The following USP13 variants were observed in gnomAD, a reference collection of about 807,000 sequenced individuals.
The protein encoded by USP13 is ubiquitin carboxyl-terminal hydrolase 13.
In USP13, 68 loss-of-function variants were observed where a neutral mutation model predicts 107.8. The ratio of observed to expected loss-of-function variants is 0.63; its 90% confidence interval spans 0.52 to 0.77. The LOEUF (loss-of-function observed/expected upper bound fraction) is 0.77. Ranked by LOEUF, USP13 falls within the 30% of genes least tolerant of loss-of-function variation. USP13 has a pLI of 0.00. For synonymous variants in USP13, 377 were observed against 389.5 expected (o/e 0.97, Z 0.38); for missense variants, 945 against 1,093.3 (o/e 0.86, Z 1.91).
intron 20 of USP13, 64 bp downstream of exon 20, chr3:179,781,887 A>T: frequency 7.3e-7 from 1 of 1,367,984 alleles, no homozygotes; most frequent in Non-Finnish European, 1.0e-6. Context: ...TATGCCAGGC[A>T]CTCTCCTAGG....
chr3:179,740,885 GC>G (rs1252047006), intron 11 of USP13, among the ~76,000 whole-genome samples: 11 of 150,798 alleles, frequency 7.3e-5, no homozygotes, highest in Admixed American at 6.6e-4. Context: ...TACTGCCTCA[GC>G]CTCCTGAGTA....
intron 5 of USP13, 109 bp from the exon 6 acceptor site, chr3:179,708,664 C>A: frequency 7.5e-7 from 1 of 1,328,164 alleles, no homozygotes. Flanking sequence ...CTCTGTTATT[C>A]CACTGAGCCT....
intron 15 of USP13, among the ~76,000 whole-genome samples, chr3:179,755,066 G>A (rs1714741987): frequency 6.6e-6 from 1 of 152,154 alleles, no homozygotes; most frequent in Non-Finnish European, 1.5e-5. Context: ...GACCCATCAT[G>A]TGTGGTTGAA....
At chr3:179,680,732 G>A (rs1711622534) in intron 1 of USP13, among the ~76,000 whole-genome samples, 2 of 151,964 alleles carry the variant, frequency 1.3e-5, no homozygotes, top group East Asian at 1.9e-4. Flanking sequence ...TAGTAGAGAC[G>A]GGGTTTCACC....
At chr3:179,731,790 C>T (rs1244833376) in intron 10 of USP13, among the ~76,000 whole-genome samples, 1 of 152,166 alleles carries the variant, frequency 6.6e-6, no homozygotes, top group African/African-American at 2.4e-5. Context: ...GAACGCGTGC[C>T]CCACTTCCCC....
chr3:179,719,504 C>T (rs1443699084), intron 6 of USP13, among the ~76,000 whole-genome samples: 1 of 152,082 alleles, frequency 6.6e-6, no homozygotes, highest in Non-Finnish European at 1.5e-5. Flanking sequence ...CCCTGAGGGC[C>T]TGTGTGTTCT....
intron 2 of USP13, among the ~76,000 whole-genome samples, chr3:179,685,644 AAAAG>A (rs1165378727): frequency 6.6e-6 from 1 of 151,854 alleles, no homozygotes; most frequent in African/African-American, 2.4e-5. Flanking sequence ...AAAAAAAAAA[AAAAG>A]AAAGAAACAG....
chr3:179,732,289 C>T (rs912034829), intron 10 of USP13, among the ~76,000 whole-genome samples: 1 of 152,200 alleles, frequency 6.6e-6, no homozygotes, highest in African/African-American at 2.4e-5. Flanking sequence ...TACTTCTGTG[C>T]TTCTGTGAAA....
intron 1 of USP13, among the ~76,000 whole-genome samples, chr3:179,655,910 A>G (rs1435767499): frequency 2.0e-5 from 3 of 152,174 alleles, no homozygotes; most frequent in Non-Finnish European, 4.4e-5. Context: ...ATTCTTCAGC[A>G]CCTACTATGT....
Position 179,688,099 on chromosome 3 carries a change from G to GTCCATCCATCCATCCATCCATCCA in USP13, c.295-2132_295-2109dup, listed in dbSNP as rs763601246. ...AGGATATCCATCCATCCATCCATCC[G>GTCCATCCATCCATCCATCCATCCA]TCCATCCATCCATCCATCCATCCAT... is the stretch of plus-strand genomic sequence containing the variant. On this transcript the variant is annotated intron_variant, in intron 2 of 20. Transcript: ENST00000263966. 5.3e-4 allele frequency among the ~76,000 whole-genome samples: 75 copies of GTCCATCCATCCATCCATCCATCCA among 140,644 alleles called. 2 individuals are homozygous for GTCCATCCATCCATCCATCCATCCA. The highest frequency in any genetic ancestry group is 1.1e-3 in the Admixed American group (16 of 13,954). The allele number at this position is 140,644 out of a possible 152,430, so 92.3% of individuals were successfully genotyped here.
Position 179,708,910 on chromosome 3 carries a change from G to A in USP13, c.758G>A (p.Gly253Asp). 6.2e-7 allele frequency: 1 copy of A among 1,614,118 alleles called. No homozygotes were observed. Among genetic ancestry groups the A allele is most frequent in the Non-Finnish European group, 8.5e-7 (1 of 1,180,024 alleles). ...GHALEHYRDM[G>D]YPLAVKLGTI... ...GCGCTGGAGCATTACAGAGACATGG[G>A]CTACCCACTAGCCGTGAAACTGGGA... is the stretch of plus-strand genomic sequence containing the variant. Residue 253 changes from glycine (G) to aspartate (D), a missense_variant, in exon 6 of 21, where the codon GGC becomes GAC. Coordinates refer to ENST00000263966, the MANE Select transcript of USP13 (RefSeq NM_003940.3).
intron 1 of USP13, among the ~76,000 whole-genome samples, chr3:179,673,110 A>G (rs1203848912): frequency 6.6e-6 from 1 of 152,192 alleles, no homozygotes; most frequent in Non-Finnish European, 1.5e-5. Flanking sequence ...AACAAACCTG[A>G]AAAGCTAGAA....
chr3:179,663,753 T>A (rs1720515436), intron 1 of USP13, among the ~76,000 whole-genome samples: 1 of 152,236 alleles, frequency 6.6e-6, no homozygotes, highest in Non-Finnish European at 1.5e-5. Flanking sequence ...CCCCTCTGCT[T>A]ACTTTCTGTC....
chr3:179,709,634 GA>G (rs1180218154), intron 6 of USP13, among the ~76,000 whole-genome samples: 1 of 152,090 alleles, frequency 6.6e-6, no homozygotes, highest in Non-Finnish European at 1.5e-5. Context: ...TTTTGCGAGG[GA>G]AAAAGGCAAT....
intron 16 of USP13, among the ~76,000 whole-genome samples, chr3:179,759,467 G>T (rs929730998): frequency 6.6e-6 from 1 of 152,150 alleles, no homozygotes; most frequent in Non-Finnish European, 1.5e-5. Flanking sequence ...TGCACATCAT[G>T]AATTTCTAAG....
In USP13 at chr3:179,786,822, T is replaced by C. The variant is rs1715926640; in HGVS notation, c.*2681T>C. ...CTCTATGTGAGGCATGGTGGTCTAA[T>C]TGTGAAATTCTCCCTGTATATGGGT... On this transcript the variant is annotated 3_prime_UTR_variant, in exon 21 of 21. Transcript: ENST00000263966. 1 of 152,242 alleles carries C rather than the reference T, an allele frequency of 6.6e-6. No homozygotes were observed. The highest frequency in any genetic ancestry group is 2.4e-5 in the African/African-American group (1 of 41,466). 9.4% of individuals were successfully genotyped at this position (152,242 alleles called of 1,614,324 possible). A position where few individuals can be genotyped will look rare whatever the true frequency, so the allele number is the denominator to read the frequency against.
At chr3:179,758,646 C>T (rs1376795213) in intron 16 of USP13, among the ~76,000 whole-genome samples, 6 of 150,590 alleles carry the variant, frequency 4.0e-5, no homozygotes, top group African/African-American at 1.5e-4. Flanking sequence ...CTACAGGCGC[C>T]TGCCACCACA....
At chr3:179,733,547 CA>C (rs2108506767) in intron 10 of USP13, among the ~76,000 whole-genome samples, 1 of 152,324 alleles carries the variant, frequency 6.6e-6, no homozygotes, top group East Asian at 1.9e-4. Context: ...TCTCAGTTAT[CA>C]GAAGCCCTTT....
intron 20 of USP13, among the ~76,000 whole-genome samples, chr3:179,782,579 G>C (rs890469020): frequency 6.6e-6 from 1 of 152,096 alleles, no homozygotes; most frequent in African/African-American, 2.4e-5. Flanking sequence ...CTGCTTGAGG[G>C]CAGTGCTCAG....
Sources: allele counts gnomAD v4.1 joint callset (sites outside exome capture counted in the v4.1 genomes callset), GRCh38; gene constraint gnomAD v4.1.1; transcripts MANE v1.5; gene names NCBI Gene and HGNC (gene_info 2026-07-23, HGNC 2026-07-21).